SVIL: variants seen among roughly 807,000 people sequenced by gnomAD.
SVIL encodes supervillin.
A neutral mutation model predicts 240.4 loss-of-function variants in SVIL; 101 were observed. That is an observed-to-expected ratio of 0.42 (90% CI 0.36 to 0.50). The LOEUF is 0.50. SVIL is among the 20% of genes least tolerant of loss of function. SVIL has a pLI of 0.01. For missense variants in SVIL, 2,512 were observed against 2,818.7 expected (o/e 0.89, Z 2.46); for synonymous variants, 999 against 1,100.0 (o/e 0.91, Z 1.82).
intron 3 of SVIL, among the ~76,000 whole-genome samples, chr10:29,561,617 C>G (rs1003881753): frequency 1.3e-5 from 2 of 151,002 alleles, no homozygotes; most frequent in African/African-American, 4.9e-5. Flanking sequence ...ACAGAGAGTC[C>G]TAAACATTGG....
chr10:29,669,744 G>A (rs1208221998), intron 2 of SVIL, among the ~76,000 whole-genome samples: 3 of 152,282 alleles, frequency 2.0e-5, no homozygotes, highest in Middle Eastern at 3.4e-3. Context: ...ATGTTGGGAC[G>A]AAGCAGGTTA....
intron 1 of SVIL, among the ~76,000 whole-genome samples, chr10:29,708,073 C>T (rs7911666): frequency 0.072 from 10,796 of 150,912 alleles, 512 homozygotes; most frequent in African/African-American, 0.13. Context: ...CTGGCTAACA[C>T]GGTGAAACCC....
chr10:29,458,479 G>C lies in SVIL; in HGVS notation c.6513C>G (p.Val2171=), dbSNP rs1200064259. 1 of 1,581,888 alleles carries C rather than the reference G, an allele frequency of 6.3e-7. No homozygotes were observed. The highest frequency in any genetic ancestry group is 2.2e-5 in the East Asian group (1 of 44,476). Residue 2171 remains valine (V), a synonymous_variant, in exon 37 of 38, where the codon GTC becomes GTG. Coordinates refer to ENST00000355867, the MANE Select transcript of SVIL (RefSeq NM_021738.3). ...DLLARPLPEG[V]DPLKLEIYLT... ...GATAGATCTCAAGCTTCAGAGGATC[G>C]ACCCCCTCCGGGAGTGGCCTGGCCA...
intron 3 of SVIL, among the ~76,000 whole-genome samples, chr10:29,646,149 G>C (rs1176811318): frequency 6.6e-6 from 1 of 152,190 alleles, no homozygotes; most frequent in Non-Finnish European, 1.5e-5. Context: ...TAATGCGTAT[G>C]CTCCAGGGAA....
intron 6 of SVIL, among the ~76,000 whole-genome samples, chr10:29,542,609 C>T (rs72802792): frequency 0.05 from 7,603 of 152,018 alleles, 259 homozygotes; most frequent in Non-Finnish European, 0.074. Context: ...GCATGCAATG[C>T]GTAATAATCA....
chr10:29,589,549 G>GTAT (rs1956304645), intron 1 of SVIL, among the ~76,000 whole-genome samples: 1 of 152,136 alleles, frequency 6.6e-6, no homozygotes, highest in African/African-American at 2.4e-5. Context: ...AAGCACCACC[G>GTAT]TATTCCCCCT....
rs540395572 is a variant in SVIL at position 29,605,240 on chromosome 10, C to A, written c.-201+29180G>T. 5.1e-4 allele frequency among the ~76,000 whole-genome samples: 77 copies of A among 152,274 alleles called. No individual in the cohort carries two copies. In the South Asian group the frequency reaches 0.015, roughly 30 times the overall value. On this transcript the variant is annotated intron_variant, in intron 1 of 37. Coordinates refer to ENST00000355867, the MANE Select transcript of SVIL (RefSeq NM_021738.3). ...ATTTACTTAGTCCTCTACGGATGGG[C>A]CTTAAGGTTTCTATTCTTTTGCTGT...
chr10:29,652,870 C>T (rs568589559), intron 3 of SVIL, among the ~76,000 whole-genome samples: 1 of 152,168 alleles, frequency 6.6e-6, no homozygotes, highest in African/African-American at 2.4e-5. Flanking sequence ...ATCCTTTGCC[C>T]TTTTTTAATC....
At position 29,562,340 on chromosome 10, in the gene SVIL, G is replaced by C. The variant is rs1459509831; in HGVS notation, c.-51+861C>G. ...GGTGCAGACATTTTACCGCATGTGC[G>C]CCTTGACCAGTGGAAATAGTAATTC... is the stretch of plus-strand genomic sequence containing the variant. On this transcript the variant is annotated intron_variant, in intron 3 of 37. Coordinates refer to ENST00000355867, the MANE Select transcript of SVIL (RefSeq NM_021738.3). 4.6e-5 allele frequency among the ~76,000 whole-genome samples: 7 copies of C among 152,210 alleles called. No homozygotes were observed. The East Asian group carries it at 1.4e-3, about 29-fold the overall frequency.
At chr10:29,673,860 G>A (rs1959997841) in intron 2 of SVIL, among the ~76,000 whole-genome samples, 1 of 152,164 alleles carries the variant, frequency 6.6e-6, no homozygotes, top group Admixed American at 6.5e-5. Context: ...TCAACCATGT[G>A]TAGGTACCAA....
At chr10:29,508,288 G>A (rs547772457) in intron 17 of SVIL, 60 of 1,182,928 alleles carry the variant, frequency 5.1e-5, no homozygotes, top group East Asian at 2.9e-4. Context: ...TTACCCACGC[G>A]AAGTGTAATT....
intron 6 of SVIL, among the ~76,000 whole-genome samples, chr10:29,541,461 G>A (rs1267258901): frequency 2.0e-5 from 3 of 152,142 alleles, no homozygotes; most frequent in Non-Finnish European, 4.4e-5. Context: ...TAAAAAATAT[G>A]TCATCGTTGG....
chr10:29,647,581 T>C (rs1958698644), intron 3 of SVIL, among the ~76,000 whole-genome samples: 1 of 152,116 alleles, frequency 6.6e-6, no homozygotes, highest in South Asian at 2.1e-4. Flanking sequence ...TACCTTCTGT[T>C]TGCCCTTCAC....
At chr10:29,508,640 C>T in intron 17 of SVIL, 2 of 346,826 alleles carry the variant, frequency 5.8e-6, no homozygotes, top group Admixed American at 7.6e-5. Context: ...CTTCATTCTC[C>T]TGCACTATGA....
chr10:29,673,998 G>A (rs1016742702), intron 2 of SVIL, among the ~76,000 whole-genome samples: 1 of 152,148 alleles, frequency 6.6e-6, no homozygotes, highest in Non-Finnish European at 1.5e-5. Flanking sequence ...TATAACAAGA[G>A]CCTCAATTTA....
chr10:29,466,647 A>G (rs1222222305), intron 33 of SVIL, among the ~76,000 whole-genome samples: 1 of 152,224 alleles, frequency 6.6e-6, no homozygotes, highest in Non-Finnish European at 1.5e-5. Flanking sequence ...AGAGAGTGGC[A>G]TATATTCACA....
chr10:29,495,240 G>A (rs1399882257), intron 18 of SVIL, 59 bp from the exon 19 acceptor site: 1 of 1,024,376 alleles, frequency 9.8e-7, no homozygotes, highest in African/African-American at 2.2e-5. Context: ...AAATCTCCGG[G>A]ACCCTGGTGG....
chr10:29,484,212 A>G lies in SVIL; in HGVS notation c.4955+444T>C, dbSNP rs1018370270. Among the ~76,000 whole-genome samples, 2 of 152,168 alleles carry G rather than the reference A, an allele frequency of 1.3e-5. No homozygotes were observed. Among genetic ancestry groups the G allele is most frequent in the African/African-American group, 4.8e-5 (2 of 41,426 alleles). On this transcript the variant is annotated intron_variant, in intron 27 of 37. Transcript: ENST00000355867. The surrounding 1 kb of genome is among the most constrained non-coding windows in gnomAD (Gnocchi z 4.7). ...AAGACATAAACATCATCTGCTGCCA[A>G]ATAAATCCTGAAATTCGAGGGCGAT...
At chr10:29,581,916 T>C (rs1190885944) in intron 1 of SVIL, among the ~76,000 whole-genome samples, 1 of 152,196 alleles carries the variant, frequency 6.6e-6, no homozygotes, top group Non-Finnish European at 1.5e-5. Flanking sequence ...CTTGCTACAA[T>C]GTAGAGGAAC....
Sources: allele counts gnomAD v4.1 joint callset (sites outside exome capture counted in the v4.1 genomes callset), GRCh38; gene constraint gnomAD v4.1.1; non-coding constraint Gnocchi (gnomAD v3.1); transcripts MANE v1.5; gene names NCBI Gene and HGNC (gene_info 2026-07-23, HGNC 2026-07-21).